PITPNC1: variants seen among roughly 807,000 people sequenced by gnomAD.
PITPNC1 encodes the protein cytoplasmic phosphatidylinositol transfer protein 1.
A neutral mutation model predicts 44.7 loss-of-function variants in PITPNC1; 18 were observed. The observed-to-expected ratio is 0.40, with a 90% CI of 0.28 to 0.60. The LOEUF (loss-of-function observed/expected upper bound fraction) is 0.60, where lower values mean the gene tolerates loss of function less well. PITPNC1 is among the 20% of genes least tolerant of loss of function. PITPNC1 has a pLI of 0.39. For synonymous variants in PITPNC1, 141 were observed against 149.6 expected, an observed-to-expected ratio of 0.94 and a Z score of 0.42; for missense variants, 290 against 418.4, an observed-to-expected ratio of 0.69 and a Z score of 2.68.
intron 8 of PITPNC1, among the ~76,000 whole-genome samples, chr17:67,689,121 G>A (rs1225151197): frequency 6.6e-6 from 1 of 152,192 alleles, no homozygotes; most frequent in Non-Finnish European, 1.5e-5. Context: ...AGAATCGTTT[G>A]AACCCAGGAG....
intron 1 of PITPNC1, among the ~76,000 whole-genome samples, chr17:67,513,384 TATCTATATCTATATCTATATCTAC>T (rs2040214761): frequency 6.8e-6 from 1 of 147,234 alleles, no homozygotes. Context: ...TCTATATCTA[TATCTATATCTATATCTATATCTAC>T]ATCTACATAT....
intron 1 of PITPNC1, among the ~76,000 whole-genome samples, chr17:67,493,846 G>T (rs2039894595): frequency 6.6e-6 from 1 of 152,172 alleles, no homozygotes; most frequent in Non-Finnish European, 1.5e-5. Flanking sequence ...AAAAATTCAG[G>T]TCCACCAGAA....
rs1160522771 is a variant in PITPNC1 at position 67,425,193 on chromosome 17, G to GCGCGCGCGCA, written c.48+46992_48+46993insGCGCGCGCAC. ...AAATAAACAGCCATGTTGTGCGCGC[G>GCGCGCGCGCA]CACGCACACGCACACACACACACAC... On this transcript the variant is annotated intron_variant, in intron 1 of 8. Coordinates refer to ENST00000581322, the MANE Select transcript of PITPNC1 (RefSeq NM_012417.4). Among the ~76,000 whole-genome samples, 15 of 52,120 alleles carry GCGCGCGCGCA rather than the reference G, an allele frequency of 2.9e-4. 2 individuals are homozygous for GCGCGCGCGCA. Among genetic ancestry groups the GCGCGCGCGCA allele is most frequent in the East Asian group, 2.2e-3 (4 of 1,808 alleles). 34.2% of individuals were successfully genotyped at this position (52,120 alleles called of 152,430 possible).
At chr17:67,379,000 A>G in intron 1 of PITPNC1, 1 of 985,270 alleles carries the variant, frequency 1.0e-6, no homozygotes, top group Non-Finnish European at 1.2e-6. Flanking sequence ...CCTTCTCCCG[A>G]TCCTGCGAAG....
At chr17:67,559,601 G>C (rs1436520513) in intron 4 of PITPNC1, among the ~76,000 whole-genome samples, 1 of 152,204 alleles carries the variant, frequency 6.6e-6, no homozygotes, top group Non-Finnish European at 1.5e-5. Context: ...GAAGAGGACA[G>C]TAAGGCCAGG....
intron 8 of PITPNC1, among the ~76,000 whole-genome samples, chr17:67,687,706 C>G (rs1349431554): frequency 1.3e-5 from 2 of 152,116 alleles, no homozygotes; most frequent in African/African-American, 4.8e-5. Context: ...GCAGTCTGTG[C>G]AGACACACAG....
chr17:67,578,488 G>A (rs968052947), intron 5 of PITPNC1, among the ~76,000 whole-genome samples: 9 of 152,174 alleles, frequency 5.9e-5, no homozygotes, highest in African/African-American at 2.2e-4. Context: ...GGGCCTCTGA[G>A]CAGAAGCCTC....
At chr17:67,489,868 C>T (rs865839280) in intron 1 of PITPNC1, among the ~76,000 whole-genome samples, 11 of 152,044 alleles carry the variant, frequency 7.2e-5, no homozygotes, top group South Asian at 2.1e-4. Context: ...CTTAGCCTCC[C>T]GAGTAGCTGG....
chr17:67,472,196 C>T (rs939581483), intron 1 of PITPNC1, among the ~76,000 whole-genome samples: 2 of 151,866 alleles, frequency 1.3e-5, no homozygotes, highest in South Asian at 2.1e-4. Context: ...AGTTACCCAC[C>T]GTAAGCTGCT....
chr17:67,682,240 A>C (rs1290926549), intron 8 of PITPNC1, among the ~76,000 whole-genome samples: 2 of 152,156 alleles, frequency 1.3e-5, no homozygotes, highest in African/African-American at 4.8e-5. Flanking sequence ...TTGCCCATGA[A>C]TACATGTACA....
intron 4 of PITPNC1, among the ~76,000 whole-genome samples, chr17:67,575,667 G>A (rs1354758034): frequency 6.6e-6 from 1 of 152,070 alleles, no homozygotes; most frequent in African/African-American, 2.4e-5. Flanking sequence ...GGTTTTCCAG[G>A]TTGAGCATGC....
chr17:67,441,393 C>T (rs558799590), intron 1 of PITPNC1, among the ~76,000 whole-genome samples: 4 of 152,188 alleles, frequency 2.6e-5, no homozygotes, highest in East Asian at 1.9e-4. Flanking sequence ...CTGTCCACAG[C>T]CCAGAGCTCA....
intron 2 of PITPNC1, among the ~76,000 whole-genome samples, chr17:67,538,931 T>TAA (rs928461266): frequency 7.0e-6 from 1 of 143,832 alleles, no homozygotes. Context: ...GTATTTAATT[T>TAA]AAAAAAAAAA....
intron 5 of PITPNC1, among the ~76,000 whole-genome samples, chr17:67,622,566 A>G (rs1158315548): frequency 6.7e-6 from 1 of 148,796 alleles, no homozygotes; most frequent in African/African-American, 2.5e-5. Context: ...GCTCTCTCCA[A>G]CTGAATATGC....
chr17:67,441,279 C>CT (rs1598665992), intron 1 of PITPNC1, among the ~76,000 whole-genome samples: 1 of 148,284 alleles, frequency 6.7e-6, no homozygotes, highest in Non-Finnish European at 1.5e-5. Flanking sequence ...TTTATTAAGC[C>CT]CCCCCCCGCC....
chr17:67,453,738 A>G (rs558636050), intron 1 of PITPNC1, among the ~76,000 whole-genome samples: 1 of 152,368 alleles, frequency 6.6e-6, no homozygotes, highest in African/African-American at 2.4e-5. Context: ...AAGTCTGCTA[A>G]TGAGAAGAAT....
intron 1 of PITPNC1, among the ~76,000 whole-genome samples, chr17:67,417,905 G>A (rs2038611428): frequency 6.6e-6 from 1 of 152,106 alleles, no homozygotes; most frequent in African/African-American, 2.4e-5. Context: ...TTAGCTGGGA[G>A]TGGTGGCACA....
In PITPNC1 at chr17:67,692,613, C is replaced by G. The variant is rs771356338; in HGVS notation, c.724C>G (p.Gln242Glu). The G allele has an allele frequency of 6.2e-7, 1 of 1,613,814 alleles. No individual in the cohort carries two copies. The highest frequency in any genetic ancestry group is 1.1e-5 in the South Asian group (1 of 91,068). Residue 242 changes from glutamine to glutamate, a missense_variant, in exon 9 of 9, where the codon CAG becomes GAG. Gln to Glu is a conservative substitution (Grantham distance 29). Transcript: ENST00000581322. ...DEVREFERAT[Q>E]EATNKKIGIF... The stretch of plus-strand genomic sequence containing the variant: ...AGTCCGAGAATTTGAACGAGCCACT[C>G]AGGAAGCCACCAACAAGAAAATCGG...
intron 1 of PITPNC1, among the ~76,000 whole-genome samples, chr17:67,452,638 G>T (rs1343667942): frequency 1.3e-5 from 2 of 150,538 alleles, no homozygotes; most frequent in East Asian, 4.7e-4. Flanking sequence ...GACTACAGGC[G>T]TGCGCCACCA....
Sources: allele counts gnomAD v4.1 joint callset (sites outside exome capture counted in the v4.1 genomes callset), GRCh38; gene constraint gnomAD v4.1.1; transcripts MANE v1.5; gene names NCBI Gene and HGNC (gene_info 2026-07-23, HGNC 2026-07-21).